The following ZNF875 variants were observed in gnomAD, a reference collection of about 807,000 sequenced individuals.
ZNF875 encodes zinc finger protein 875.
Under a neutral mutation model 11.2 loss-of-function variants are expected in ZNF875, and 14 were observed. That is an observed-to-expected ratio of 1.26 (90% confidence interval 0.83 to 1.96). The LOEUF (loss-of-function observed/expected upper bound fraction) is 1.96. ZNF875 is among the 30% of genes most tolerant of loss of function. The pLI, the probability that ZNF875 is intolerant of heterozygous loss-of-function variation, is 0.00. For missense variants in ZNF875, 752 were observed against 760.4 expected (o/e 0.99, Z 0.13); for synonymous variants, 301 against 281.1 (o/e 1.07, Z -0.71).
Position 37,358,086 on chromosome 19 carries a change from G to C in ZNF875, c.257-4023G>C, listed in dbSNP as rs1217301945. 5 of 394,736 alleles carry C rather than the reference G, an allele frequency of 1.3e-5. No homozygotes were observed. In the East Asian group the frequency reaches 1.8e-4, roughly 14 times the overall value. The allele number at this position is 394,736 out of a possible 1,614,324, so 24.5% of individuals were successfully genotyped here. ...TTTGTTAAAGATTTTTATCATGAAGGGGTGTTGGATTTTATCCGATGCTTT... is the reference window on the plus strand; with the variant it reads ...TTTGTTAAAGATTTTTATCATGAAGCGGTGTTGGATTTTATCCGATGCTTT... On this transcript the variant is annotated intron_variant, in intron 4 of 4. Transcript: ENST00000392153.
At chr19:37,361,409 C>T (rs749116683) in intron 4 of ZNF875, among the ~76,000 whole-genome samples, 2 of 152,132 alleles carry the variant, frequency 1.3e-5, no homozygotes, top group African/African-American at 4.8e-5. Context: ...TTTGAGAACA[C>T]GTGCAATATT....
chr19:37,321,190 C>G (rs1205441495), intron 1 of ZNF875, among the ~76,000 whole-genome samples: 1 of 152,096 alleles, frequency 6.6e-6, no homozygotes, highest in Admixed American at 6.5e-5. Context: ...TGACGTTCCC[C>G]CAGCCCGACA....
At chr19:37,319,017 A>T (rs1348963938) in intron 1 of ZNF875, among the ~76,000 whole-genome samples, 1 of 150,238 alleles carries the variant, frequency 6.7e-6, no homozygotes, top group African/African-American at 2.5e-5. Flanking sequence ...AGGTTTTGGG[A>T]TTTCCTTTAT....
chr19:37,343,533 C>T (rs111829873), intron 2 of ZNF875, among the ~76,000 whole-genome samples: 1 of 152,228 alleles, frequency 6.6e-6, no homozygotes, highest in Non-Finnish European at 1.5e-5. Flanking sequence ...ATGGTCTCAA[C>T]CTGTCTGGTG....
At position 37,347,921 on chromosome 19, in the gene ZNF875, A is replaced by G. The variant is rs182413666; in HGVS notation, c.256+49A>G. ...CGGGATAATCCACAGCTTGGCAGAT[A>G]GGAAGGAGGAGGCATCTCTCAGATA... is the stretch of plus-strand genomic sequence containing the variant. On this transcript the variant is annotated intron_variant, in intron 4 of 4. Transcript: ENST00000392153. 1.1e-4 allele frequency: 111 copies of G among 1,049,990 alleles called. No homozygotes were observed. The African/African-American group carries it at 1.1e-3, about 10-fold the overall frequency. The allele number at this position is 1,049,990 out of a possible 1,614,324, so 65.0% of individuals were successfully genotyped here.
intron 1 of ZNF875, among the ~76,000 whole-genome samples, chr19:37,318,661 A>G (rs1479000615): frequency 6.6e-6 from 1 of 151,642 alleles, no homozygotes; most frequent in East Asian, 1.9e-4. Context: ...AGCTGGGACT[A>G]CAGGCGCCCG....
chr19:37,327,167 AT>A (rs1478234154), intron 4 of ZNF875, among the ~76,000 whole-genome samples: 1 of 150,288 alleles, frequency 6.7e-6, no homozygotes, highest in African/African-American at 2.5e-5. Context: ...TAATTTTTGT[AT>A]TTTTAGTAGA....
chr19:37,360,771 C>T (rs907492903), intron 4 of ZNF875, among the ~76,000 whole-genome samples: 5 of 152,190 alleles, frequency 3.3e-5, no homozygotes, highest in Admixed American at 3.3e-4. Context: ...GTTGGGATTA[C>T]AGGCATGAGC....
At chr19:37,341,879 A>T (rs771434304) in intron 2 of ZNF875, among the ~76,000 whole-genome samples, 21 of 152,200 alleles carry the variant, frequency 1.4e-4, no homozygotes, top group Non-Finnish European at 7.3e-5. Flanking sequence ...TACAGTGGTG[A>T]GAGAGAGATA....
intron 4 of ZNF875, 184 bp from the exon 5 acceptor site, chr19:37,361,925 C>A (rs7247026): frequency 5.5e-3 from 2,997 of 540,646 alleles, no homozygotes; most frequent in Middle Eastern, 0.011. Flanking sequence ...AAAAAAAAAA[C>A]AAAAAAACAA....
In ZNF875 at chr19:37,363,882, A is replaced by G; in HGVS notation, c.*107A>G. 1.2e-6 allele frequency: 1 copy of G among 853,868 alleles called. No homozygotes were observed. The highest frequency in any genetic ancestry group is 1.9e-6 in the Non-Finnish European group (1 of 534,254). 52.9% of individuals were successfully genotyped at this position (853,868 alleles called of 1,614,324 possible). Reference sequence around the variant, plus strand: ...CTGTGGCTTTTTCAGCCATTGCTAGATACCAAAGTGGAGACATTCTGTGTG... The same window carrying G: ...CTGTGGCTTTTTCAGCCATTGCTAGGTACCAAAGTGGAGACATTCTGTGTG... On this transcript the variant is annotated 3_prime_UTR_variant, in exon 5 of 5. Transcript: ENST00000392153.
At chr19:37,336,533 T>G (rs1262360563) in intron 2 of ZNF875, among the ~76,000 whole-genome samples, 1 of 149,944 alleles carries the variant, frequency 6.7e-6, no homozygotes, top group African/African-American at 2.4e-5. Context: ...TCTCCTGACC[T>G]CATGATCCAC....
chr19:37,347,671 G>T, intron 3 of ZNF875, 106 bp from the exon 4 acceptor site: 1 of 722,246 alleles, frequency 1.4e-6, no homozygotes, highest in East Asian at 2.6e-5. Context: ...ACTATTCATA[G>T]GTCTTTTTTA....
In ZNF875 at chr19:37,325,906, A is replaced by G. The variant is rs534232828; in HGVS notation, c.-603+1641A>G. On this transcript the variant is annotated intron_variant, in intron 4 of 5. Transcript: ENST00000544914. ...TATTTTTTTGTTAAGACAGGGTTTC[A>G]GCATGTTGTCCAGGCTGGTCTTGAA... Among the ~76,000 whole-genome samples the G allele has an allele frequency of 5.3e-5, 8 of 152,212 alleles. No individual in the cohort carries two copies. The East Asian group carries it at 1.4e-3, about 26-fold the overall frequency.
At position 37,358,148 on chromosome 19, in the gene ZNF875, T is replaced by G. The variant is rs2039250487; in HGVS notation, c.257-3961T>G. On this transcript the variant is annotated intron_variant, in intron 4 of 4. Coordinates refer to ENST00000392153, the MANE Select transcript of ZNF875 (RefSeq NM_001353803.2). ...TTAAGATGATCTTTTTTTTTTTTTT[T>G]TTTTTTTTTTGTTTGAGACGGAGTC... 1.1e-5 allele frequency: 4 copies of G among 373,062 alleles called. 1 individual carries two copies. The highest frequency in any genetic ancestry group is 4.4e-5 in the African/African-American group (2 of 45,272). 23.1% of individuals were successfully genotyped at this position (373,062 alleles called of 1,614,324 possible).
chr19:37,335,313 T>C, intron 2 of ZNF875, 56 bp downstream of exon 2: 1 of 667,154 alleles, frequency 1.5e-6, no homozygotes, highest in South Asian at 1.5e-5. Context: ...CCCATTACCT[T>C]TTCTTGTCCT....
intron 1 of ZNF875, among the ~76,000 whole-genome samples, chr19:37,318,371 T>C (rs569861456): frequency 6.6e-6 from 1 of 152,270 alleles, no homozygotes; most frequent in African/African-American, 2.4e-5. Context: ...AAATCTCACT[T>C]TTTGCCAGTT....
At chr19:37,323,858 C>T (rs1361458549) in intron 3 of ZNF875, among the ~76,000 whole-genome samples, 2 of 152,152 alleles carry the variant, frequency 1.3e-5, no homozygotes, top group African/African-American at 4.8e-5. Context: ...GGTTTGATCG[C>T]TCCGTTCAAA....
chr19:37,321,918 CT>C (rs2031549090), intron 1 of ZNF875, among the ~76,000 whole-genome samples: 1 of 152,184 alleles, frequency 6.6e-6, no homozygotes, highest in South Asian at 2.1e-4. Context: ...AGCTGCATTT[CT>C]AAGTAATTGG....
Sources: gnomAD v4.1 joint callset for allele counts (sites outside exome capture counted in the v4.1 genomes callset) on GRCh38, gnomAD v4.1.1 for gene constraint, MANE v1.5 for transcripts, NCBI Gene and HGNC (gene_info 2026-07-23, HGNC 2026-07-21) for gene names.